IL1RAPL1: variants seen among roughly 807,000 people sequenced by gnomAD.
The protein encoded by IL1RAPL1 is interleukin-1 receptor accessory protein-like 1.
Under a neutral mutation model 48.4 loss-of-function variants are expected in IL1RAPL1, and 3 were observed. The ratio of observed to expected loss-of-function variants is 0.06; its 90% CI spans 0.03 to 0.16. The LOEUF is 0.16. Among genes scored for constraint, IL1RAPL1 ranks in the 10% least tolerant of loss-of-function variants. The pLI, the probability that IL1RAPL1 is intolerant of heterozygous loss-of-function variation, is 1.00. For synonymous variants in IL1RAPL1, 185 were observed against 187.7 expected, an observed-to-expected ratio of 0.99 and a Z score of 0.12; for missense variants, 349 against 530.6, an observed-to-expected ratio of 0.66 and a Z score of 3.36.
At chrX:29,446,368 G>T (rs1934612245) in intron 5 of IL1RAPL1, among the ~76,000 whole-genome samples, 1 of 111,669 alleles carries the variant, frequency 9.0e-6, no homozygotes, top group Admixed American at 9.6e-5. Flanking sequence ...TTTTTAGTAA[G>T]TCATGCTGTA....
intron 1 of IL1RAPL1, among the ~76,000 whole-genome samples, chrX:28,759,595 A>G (rs1461768570): frequency 1.8e-5 from 2 of 112,140 alleles, no homozygotes; most frequent in African/African-American, 6.5e-5. Context: ...GGAAGCATAC[A>G]TTTGGCCTGC....
At chrX:29,660,287 T>C (rs1464787362) in intron 5 of IL1RAPL1, among the ~76,000 whole-genome samples, 3 of 112,008 alleles carry the variant, frequency 2.7e-5, no homozygotes, top group African/African-American at 9.7e-5. Context: ...ATTTTGTAGG[T>C]TGTCTCTTCA....
At chrX:29,954,833 G>T in intron 10 of IL1RAPL1, 141 bp downstream of exon 10, 1 of 559,244 alleles carries the variant, frequency 1.8e-6, no homozygotes, top group South Asian at 2.9e-5. Flanking sequence ...ACGTCTTTGT[G>T]TGTTCACATG....
chrX:28,700,174 G>A (rs1016968240), intron 1 of IL1RAPL1, among the ~76,000 whole-genome samples: 2 of 111,273 alleles, frequency 1.8e-5, no homozygotes, highest in African/African-American at 6.5e-5. Context: ...GAGTATGGGA[G>A]GACTTTTTTT....
intron 3 of IL1RAPL1, among the ~76,000 whole-genome samples, chrX:29,347,248 G>C (rs1373988917): frequency 9.0e-6 from 1 of 111,401 alleles, no homozygotes; most frequent in Non-Finnish European, 1.9e-5. Flanking sequence ...TACTGTGGCT[G>C]TAACTTTTGC....
intron 6 of IL1RAPL1, among the ~76,000 whole-genome samples, chrX:29,855,906 T>G (rs1931468973): frequency 9.0e-6 from 1 of 111,292 alleles, no homozygotes; most frequent in Admixed American, 9.6e-5. Flanking sequence ...TACCTGAGTC[T>G]CTCAGTTATC....
At chrX:29,465,422 A>G (rs1190578252) in intron 5 of IL1RAPL1, among the ~76,000 whole-genome samples, 1 of 111,694 alleles carries the variant, frequency 9.0e-6, no homozygotes, top group Non-Finnish European at 1.9e-5. Context: ...ATTATATTGC[A>G]CTGTATGCAA....
chrX:29,766,750 GTATAAATTA>G (rs1188473299), intron 6 of IL1RAPL1, among the ~76,000 whole-genome samples: 1 of 97,017 alleles, frequency 1.0e-5, no homozygotes, highest in Non-Finnish European at 2.0e-5. Flanking sequence ...TAATTATAAT[GTATAAATTA>G]TATAATGTAT....
intron 5 of IL1RAPL1, among the ~76,000 whole-genome samples, chrX:29,405,543 T>C (rs1934052208): frequency 9.9e-6 from 1 of 100,503 alleles, no homozygotes; most frequent in Non-Finnish European, 1.9e-5. Context: ...ATTTTTTGTA[T>C]TTTTAGTAGA....
At chrX:29,863,732 T>C (rs755196227) in intron 6 of IL1RAPL1, among the ~76,000 whole-genome samples, 1 of 112,024 alleles carries the variant, frequency 8.9e-6, no homozygotes, top group Non-Finnish European at 1.9e-5. Context: ...TACTTTAGTA[T>C]GCATGCAAGA....
intron 2 of IL1RAPL1, among the ~76,000 whole-genome samples, chrX:29,255,491 T>C (rs1000379945): frequency 2.7e-5 from 3 of 110,686 alleles, no homozygotes; most frequent in Non-Finnish European, 3.8e-5. Flanking sequence ...GGTGTACATG[T>C]ACAGGTTTGT....
intron 1 of IL1RAPL1, among the ~76,000 whole-genome samples, chrX:28,588,411 G>A (rs1208205617): frequency 1.8e-5 from 2 of 111,657 alleles, no homozygotes; most frequent in Non-Finnish European, 3.8e-5. Context: ...TGGCCCCTGC[G>A]TTCTGGAAGG....
chrX:29,246,750 A>T (rs1178946200), intron 2 of IL1RAPL1, among the ~76,000 whole-genome samples: 2 of 111,245 alleles, frequency 1.8e-5, no homozygotes, highest in African/African-American at 6.6e-5. Flanking sequence ...ATTCTTCCCA[A>T]TGAGGTAAGG....
chrX:29,658,451 A>C (rs916630448), intron 5 of IL1RAPL1, among the ~76,000 whole-genome samples: 1 of 112,366 alleles, frequency 8.9e-6, no homozygotes, highest in Non-Finnish European at 1.9e-5. Flanking sequence ...TTGGAGGTTT[A>C]TCAAGATGTT....
At chrX:29,395,761 A>T (rs1933912687) in intron 3 of IL1RAPL1, among the ~76,000 whole-genome samples, 1 of 111,771 alleles carries the variant, frequency 8.9e-6, no homozygotes, top group Non-Finnish European at 1.9e-5. Flanking sequence ...GACAACCAAT[A>T]GTGTAACTTT....
intron 2 of IL1RAPL1, among the ~76,000 whole-genome samples, chrX:29,096,281 C>T (rs184924575): frequency 9.0e-6 from 1 of 111,555 alleles, no homozygotes; most frequent in Non-Finnish European, 1.9e-5. Context: ...TCAAATACAG[C>T]CATTGTTCTT....
intron 2 of IL1RAPL1, among the ~76,000 whole-genome samples, chrX:29,102,133 A>G (rs1318475920): frequency 9.0e-6 from 1 of 110,988 alleles, no homozygotes; most frequent in Non-Finnish European, 1.9e-5. Context: ...ATGATTAAAA[A>G]AAAACACCCT....
At chrX:28,591,038 G>C (rs990329847) in intron 1 of IL1RAPL1, among the ~76,000 whole-genome samples, 1 of 112,056 alleles carries the variant, frequency 8.9e-6, no homozygotes, top group African/African-American at 3.2e-5. Flanking sequence ...GTAATAAAAA[G>C]CTTTGTCTAA....
chrX:28,853,703 T>G (rs1921731790), intron 2 of IL1RAPL1, among the ~76,000 whole-genome samples: 1 of 111,679 alleles, frequency 9.0e-6, no homozygotes, highest in Admixed American at 9.5e-5. Flanking sequence ...AAATATGATT[T>G]ATTTATTTAT....
Sources: gnomAD v4.1 joint callset for allele counts (sites outside exome capture counted in the v4.1 genomes callset) on GRCh38, gnomAD v4.1.1 for gene constraint, MANE v1.5 for transcripts, NCBI Gene and HGNC (gene_info 2026-07-23, HGNC 2026-07-21) for gene names.